The following FAT3 variants were observed in gnomAD, a reference collection of about 807,000 sequenced individuals.
FAT3 encodes the protein protocadherin Fat 3.
FAT3 carries 95 observed loss-of-function variants against 310.2 expected under a neutral mutation model. That is an observed-to-expected ratio of 0.31 (90% CI 0.26 to 0.36). The LOEUF (loss-of-function observed/expected upper bound fraction) is 0.36, where lower values mean the gene tolerates loss of function less well. Ranked by LOEUF, FAT3 falls within the 10% of genes least tolerant of loss-of-function variation. FAT3 has a pLI of 1.00. For synonymous variants in FAT3, 2,314 were observed against 2,192.9 expected, an observed-to-expected ratio of 1.06 and a Z score of -1.54; for missense variants, 5,408 against 5,715.6, an observed-to-expected ratio of 0.95 and a Z score of 1.74.
At chr11:92,597,902 T>A (rs1225650077) in intron 3 of FAT3, among the ~76,000 whole-genome samples, 2 of 152,188 alleles carry the variant, frequency 1.3e-5, no homozygotes, top group Admixed American at 1.3e-4. Flanking sequence ...GAGAACAGTC[T>A]CTGCAGGATA....
chr11:92,574,044 C>T (rs1938334289), intron 3 of FAT3, among the ~76,000 whole-genome samples: 2 of 152,136 alleles, frequency 1.3e-5, no homozygotes, highest in Admixed American at 6.5e-5. Context: ...CATATTTTGT[C>T]AAGGCTGACA....
At chr11:92,476,609 CA>C (rs1160893550) in intron 2 of FAT3, among the ~76,000 whole-genome samples, 2 of 152,156 alleles carry the variant, frequency 1.3e-5, no homozygotes, top group Non-Finnish European at 2.9e-5. Flanking sequence ...CACATAAATG[CA>C]TTGACTCTTA....
chr11:92,605,802 G>A (rs12362333), intron 3 of FAT3, among the ~76,000 whole-genome samples: 2 of 142,906 alleles, frequency 1.4e-5, no homozygotes, highest in Non-Finnish European at 3.0e-5. Flanking sequence ...TATTGGCAGA[G>A]ACTGGTCTGC....
At chr11:92,616,058 T>G (rs1232213002) in intron 3 of FAT3, among the ~76,000 whole-genome samples, 1 of 152,164 alleles carries the variant, frequency 6.6e-6, no homozygotes, top group Non-Finnish European at 1.5e-5. Context: ...CATTGATCTG[T>G]CTAATGTTGA....
chr11:92,712,214 G>A (rs1220726076), intron 4 of FAT3, among the ~76,000 whole-genome samples: 1 of 152,086 alleles, frequency 6.6e-6, no homozygotes, highest in African/African-American at 2.4e-5. Flanking sequence ...AGATGATGCA[G>A]GTAGAATAAG....
At chr11:92,409,244 C>CGT (rs1005447993) in intron 2 of FAT3, among the ~76,000 whole-genome samples, 49 of 148,958 alleles carry the variant, frequency 3.3e-4, no homozygotes, top group Middle Eastern at 3.4e-3. Flanking sequence ...ATGAAGCTTT[C>CGT]GTGTGTGTGT....
Position 92,799,403 on chromosome 11 carries a change from T to C in FAT3, c.6390T>C (p.Phe2130=), listed in dbSNP as rs1385332357. The part of the protein sequence containing the change: ...TYVLQDDYGH[F]EINPNSGNVI... The stretch of plus-strand genomic sequence containing the variant: ...TCCTGCAGGATGACTATGGCCACTT[T>C]GAAATTAACCCTAATTCAGGGAATG... Residue 2130 remains phenylalanine, a synonymous_variant, in exon 10 of 28, where the codon TTT becomes TTC. Coordinates refer to ENST00000525166, the MANE Select transcript of FAT3 (RefSeq NM_001367949.2). 1 of 1,613,676 alleles carries C rather than the reference T, an allele frequency of 6.2e-7. No homozygotes were observed. The highest frequency in any genetic ancestry group is 1.1e-5 in the South Asian group (1 of 91,034).
intron 19 of FAT3, among the ~76,000 whole-genome samples, chr11:92,855,577 CAA>C (rs1233848197): frequency 1.3e-5 from 2 of 152,128 alleles, no homozygotes; most frequent in East Asian, 3.9e-4. Flanking sequence ...AACTAGTTTT[CAA>C]AAGTTTCTTG....
chr11:92,303,984 C>T, intron 1 of FAT3, among the ~76,000 whole-genome samples: 1 of 152,132 alleles, frequency 6.6e-6, no homozygotes, highest in Non-Finnish European at 1.5e-5. Flanking sequence ...GATTTGACAA[C>T]ATATTCTGTT....
chr11:92,243,426 A>C (rs1283264961), intron 1 of FAT3, among the ~76,000 whole-genome samples: 2 of 152,020 alleles, frequency 1.3e-5, no homozygotes, highest in African/African-American at 4.8e-5. Context: ...GAATTTCCTC[A>C]GAGTTAGATG....
At chr11:92,827,483 CT>C (rs1452989062) in intron 13 of FAT3, among the ~76,000 whole-genome samples, 2 of 152,232 alleles carry the variant, frequency 1.3e-5, no homozygotes, top group Non-Finnish European at 2.9e-5. Context: ...AACGAAGTGA[CT>C]TGCCCAAGGA....
intron 3 of FAT3, among the ~76,000 whole-genome samples, chr11:92,642,044 T>A (rs930413471): frequency 2.0e-5 from 3 of 152,212 alleles, no homozygotes; most frequent in African/African-American, 7.2e-5. Flanking sequence ...GGACCACATG[T>A]CCATTCTTCC....
intron 2 of FAT3, among the ~76,000 whole-genome samples, chr11:92,448,229 T>G (rs995406194): frequency 1.1e-4 from 16 of 152,340 alleles, no homozygotes; most frequent in South Asian, 2.1e-4. Flanking sequence ...ATTCATTAAC[T>G]GTTAGCTGTC....
intron 3 of FAT3, among the ~76,000 whole-genome samples, chr11:92,634,825 G>A (rs1274955748): frequency 6.6e-6 from 1 of 152,174 alleles, no homozygotes; most frequent in Admixed American, 6.5e-5. Context: ...ATTTGGAGAA[G>A]GAGCCTCTAA....
Position 92,507,620 on chromosome 11 carries a change from T to C in FAT3, c.3293-17014T>C, listed in dbSNP as rs142935337. On this transcript the variant is annotated intron_variant, in intron 2 of 27. Coordinates refer to ENST00000525166, the MANE Select transcript of FAT3 (RefSeq NM_001367949.2). The stretch of plus-strand genomic sequence containing the variant: ...TAACATATATGTGTGTATATACGTA[T>C]AGGAAAATTGGAGGAGATGTGGAAT... 2.4e-4 allele frequency among the ~76,000 whole-genome samples: 37 copies of C among 151,676 alleles called. No individual in the cohort carries two copies. In the East Asian group the frequency reaches 6.4e-3, roughly 26 times the overall value.
intron 3 of FAT3, among the ~76,000 whole-genome samples, chr11:92,616,297 A>G (rs1445681382): frequency 6.6e-6 from 1 of 150,794 alleles, no homozygotes; most frequent in Non-Finnish European, 1.5e-5. Flanking sequence ...CTGGGATTGG[A>G]ACCCCTGCTT....
At chr11:92,653,810 ATCCTT>A (rs1942473340) in intron 3 of FAT3, among the ~76,000 whole-genome samples, 1 of 152,182 alleles carries the variant, frequency 6.6e-6, no homozygotes, top group South Asian at 2.1e-4. Context: ...TATATTCACT[ATCCTT>A]TCCTATTTTT....
At chr11:92,588,517 A>C (rs540071933) in intron 3 of FAT3, among the ~76,000 whole-genome samples, 19 of 152,078 alleles carry the variant, frequency 1.2e-4, no homozygotes, top group Non-Finnish European at 2.5e-4. Context: ...GTTGAAGTAA[A>C]GGAGGCTTAC....
At chr11:92,845,287 G>T (rs1287917987) in intron 19 of FAT3, among the ~76,000 whole-genome samples, 1 of 152,268 alleles carries the variant, frequency 6.6e-6, no homozygotes, top group African/African-American at 2.4e-5. Flanking sequence ...GCCATTGGCT[G>T]ATGAGAAGCG....
Sources: gnomAD v4.1 joint callset for allele counts (sites outside exome capture counted in the v4.1 genomes callset) on GRCh38, gnomAD v4.1.1 for gene constraint, MANE v1.5 for transcripts, NCBI Gene and HGNC (gene_info 2026-07-23, HGNC 2026-07-21) for gene names.